ERAP2: variants seen among roughly 807,000 people sequenced by gnomAD.
ERAP2 encodes endoplasmic reticulum aminopeptidase 2.
ERAP2 carries 118 observed loss-of-function variants against 111.1 expected under a neutral mutation model. That is an observed-to-expected ratio of 1.06 (90% CI 0.92 to 1.24). The LOEUF is 1.24. Among genes scored for constraint, ERAP2 ranks in the 50% most tolerant of loss-of-function variants. The pLI, the probability that ERAP2 is intolerant of heterozygous loss-of-function variation, is 0.00. For synonymous variants in ERAP2, 410 were observed against 401.2 expected (o/e 1.02, Z -0.26); for missense variants, 1,131 against 1,125.8 (o/e 1.00, Z -0.07).
At chr5:96,913,146 A>C (rs1480942809) in intron 16 of ERAP2, among the ~76,000 whole-genome samples, 171 bp from the exon 17 acceptor site, 1 of 152,098 alleles carries the variant, frequency 6.6e-6, no homozygotes, top group Non-Finnish European at 1.5e-5. Context: ...TAGGAACAAA[A>C]TAAAAATTAT....
Position 96,884,054 on chromosome 5 carries a change from CTATCT to C in ERAP2, c.714+125_714+129del, listed in dbSNP as rs879568304. ...TGTTTTTATCTATCTATCTATCTAT[CTATCT>C]ATCTATCTATCTATCTATCTATCAT... On this transcript the variant is annotated intron_variant, in intron 3 of 18. Coordinates refer to ENST00000437043, the MANE Select transcript of ERAP2 (RefSeq NM_022350.5). 1,757 of 583,580 alleles carry C rather than the reference CTATCT, an allele frequency of 3.0e-3. 6 individuals carry two copies. The highest frequency in any genetic ancestry group is 4.3e-3 in the Middle Eastern group (11 of 2,536). 36.2% of individuals were successfully genotyped at this position (583,580 alleles called of 1,614,324 possible). A position where few individuals can be genotyped will look rare whatever the true frequency, so the allele number is the denominator to read the frequency against.
chr5:96,918,651 A>G lies in ERAP2; in HGVS notation c.*1046A>G, dbSNP rs1157657054. The G allele has an allele frequency of 6.6e-6, 1 of 152,208 alleles. No individual in the cohort carries two copies. Among genetic ancestry groups the G allele is most frequent in the Non-Finnish European group, 1.5e-5 (1 of 68,040 alleles). 9.4% of individuals were successfully genotyped at this position (152,208 alleles called of 1,614,324 possible). ...GGTTTAAGCCTTACATTCATGAAGTACCTCAAGGGTAGATTTTTGAGATCA... is the reference window on the plus strand; with the variant it reads ...GGTTTAAGCCTTACATTCATGAAGTGCCTCAAGGGTAGATTTTTGAGATCA... On this transcript the variant is annotated 3_prime_UTR_variant, in exon 19 of 19. Coordinates refer to ENST00000437043, the MANE Select transcript of ERAP2 (RefSeq NM_022350.5).
chr5:96,901,754 G>T, intron 11 of ERAP2, 73 bp downstream of exon 11: 1 of 1,462,536 alleles, frequency 6.8e-7, no homozygotes, highest in Non-Finnish European at 9.3e-7. Context: ...CTTTCTCTCA[G>T]CTCATCTGGC....
chr5:96,895,129 A>T (rs1482686164), intron 6 of ERAP2, 117 bp from the exon 7 acceptor site: 1 of 614,012 alleles, frequency 1.6e-6, no homozygotes, highest in Non-Finnish European at 2.8e-6. Flanking sequence ...AAGGGTAGCA[A>T]AGAGAGAAGA....
Position 96,883,876 on chromosome 5 carries a change from TTCAA to T in ERAP2, c.665_668del (p.Ile222ArgfsTer35), listed in dbSNP as rs758234017. 2.5e-6 allele frequency: 4 copies of T among 1,613,802 alleles called. No homozygotes were observed. Among genetic ancestry groups the T allele is most frequent in the Non-Finnish European group, 3.4e-6 (4 of 1,179,858 alleles). On this transcript the variant is annotated frameshift_variant, in exon 3 of 19. Transcript: ENST00000437043. LOFTEE classifies it high-confidence loss of function. ...ATGAACCGTTGTTCAAAGCCAACTT[TTCAA>T]TCAAGATACGAAGAGAGAGCAGGCA...
At chr5:96,917,388 T>G in intron 18 of ERAP2, 74 bp from the exon 19 acceptor site, 20 of 1,364,194 alleles carry the variant, frequency 1.5e-5, no homozygotes, top group East Asian at 5.4e-5. Context: ...CCCGAAGTGC[T>G]GGGATTACAG....
intron 18 of ERAP2, among the ~76,000 whole-genome samples, chr5:96,916,565 G>A (rs1259750758): frequency 6.9e-6 from 1 of 144,008 alleles, no homozygotes; most frequent in South Asian, 2.3e-4. Context: ...CCAGGTTCAC[G>A]CCATTCTCCT....
intron 4 of ERAP2, among the ~76,000 whole-genome samples, chr5:96,887,071 A>C (rs1783806728): frequency 9.8e-6 from 1 of 102,110 alleles, no homozygotes; most frequent in African/African-American, 3.7e-5. Context: ...GTAATTTTCA[A>C]AGTATATATA....
intron 5 of ERAP2, among the ~76,000 whole-genome samples, chr5:96,889,978 A>G (rs1784166000): frequency 6.6e-6 from 1 of 152,076 alleles, no homozygotes; most frequent in Non-Finnish European, 1.5e-5. Context: ...AGAACTGAAA[A>G]CTATGCTTCC....
chr5:96,902,360 A>T lies in ERAP2; in HGVS notation c.1828+7A>T, dbSNP rs760645969. The T allele has an allele frequency of 6.3e-6, 10 of 1,584,222 alleles. No individual in the cohort carries two copies. Among genetic ancestry groups the T allele is most frequent in the Non-Finnish European group, 7.8e-6 (9 of 1,153,200 alleles). On this transcript the variant is annotated splice_region_variant and intron_variant, in intron 12 of 18. Coordinates refer to ENST00000437043, the MANE Select transcript of ERAP2 (RefSeq NM_022350.5). The stretch of plus-strand genomic sequence containing the variant: ...ATTCTAAAATCAAAGACAGGTAATG[A>T]ACTAATTAGCCAAACAGGTATTTCA...
rs1387728864 is a variant in ERAP2, at chr5:96,879,549, GT to G, written c.-122-8del. 2 of 643,820 alleles carry G rather than the reference GT, an allele frequency of 3.1e-6. No homozygotes were observed. The highest frequency in any genetic ancestry group is 5.3e-6 in the Non-Finnish European group (2 of 377,576). 39.9% of individuals were successfully genotyped at this position (643,820 alleles called of 1,614,324 possible). ...ATCTTTTTTGTCATGCTATAAGTGTGTTTTTTTCTTCTAGATTAAATTCATG... is the reference window on the plus strand; with the variant it reads ...ATCTTTTTTGTCATGCTATAAGTGTGTTTTTTCTTCTAGATTAAATTCATG... On this transcript the variant is annotated splice_polypyrimidine_tract_variant and intron_variant, in intron 1 of 18. Coordinates refer to ENST00000437043, the MANE Select transcript of ERAP2 (RefSeq NM_022350.5).
chr5:96,877,742 A>G (rs1187291163), intron 1 of ERAP2, among the ~76,000 whole-genome samples: 1 of 152,128 alleles, frequency 6.6e-6, no homozygotes, highest in African/African-American at 2.4e-5. Flanking sequence ...TTTTTTTTAA[A>G]CCCTCCAAAA....
intron 9 of ERAP2, 66 bp downstream of exon 9, chr5:96,896,929 T>C: frequency 6.8e-6 from 10 of 1,462,200 alleles, no homozygotes; most frequent in Non-Finnish European, 9.1e-6. Context: ...TAATTGTGAA[T>C]GTTTATAAAT....
At chr5:96,895,417 T>C (rs962813220) in intron 7 of ERAP2, 58 bp downstream of exon 7, 30 of 1,213,924 alleles carry the variant, frequency 2.5e-5, no homozygotes, top group African/African-American at 6.1e-5. Context: ...CAATTCACTA[T>C]TAAAATTTCA....
chr5:96,914,148 T>TCTCACACACACACACACACA lies in ERAP2; in HGVS notation c.2657+692_2657+693insTCACACACACACACACACAC, dbSNP rs34158080. On this transcript the variant is annotated intron_variant, in intron 17 of 18. Transcript: ENST00000437043. ...CTTTCTGTCTCTCTCTCTCTCTCTC[T>TCTCACACACACACACACACA]CACACACACACACACACACAATCAC... 7.1e-3 allele frequency among the ~76,000 whole-genome samples: 1,056 copies of TCTCACACACACACACACACA among 148,054 alleles called. 7 individuals are homozygous for TCTCACACACACACACACACA. The highest frequency in any genetic ancestry group is 0.024 in the South Asian group (113 of 4,630).
At chr5:96,913,087 T>C (rs1786983418) in intron 16 of ERAP2, among the ~76,000 whole-genome samples, 1 of 152,226 alleles carries the variant, frequency 6.6e-6, no homozygotes, top group Admixed American at 6.5e-5. Flanking sequence ...ATAAGATGTG[T>C]AAATGATGCT....
At chr5:96,892,691 C>G (rs562913699) in intron 6 of ERAP2, among the ~76,000 whole-genome samples, 1 of 152,268 alleles carries the variant, frequency 6.6e-6, no homozygotes, top group African/African-American at 2.4e-5. Flanking sequence ...CCTTTCAAAG[C>G]AAAGCCTTCA....
intron 5 of ERAP2, among the ~76,000 whole-genome samples, chr5:96,891,541 CA>C (rs1784392233): frequency 7.5e-6 from 1 of 132,920 alleles, no homozygotes; most frequent in African/African-American, 3.0e-5. Flanking sequence ...TATATACACA[CA>C]CACACACACA....
chr5:96,916,991 T>G (rs1787486640), intron 18 of ERAP2, among the ~76,000 whole-genome samples: 1 of 152,206 alleles, frequency 6.6e-6, no homozygotes, highest in African/African-American at 2.4e-5. Context: ...GAAAATAAAG[T>G]GAACAATTAT....
Sources: gnomAD v4.1 joint callset for allele counts (sites outside exome capture counted in the v4.1 genomes callset) on GRCh38, gnomAD v4.1.1 for gene constraint, MANE v1.5 for transcripts, NCBI Gene and HGNC (gene_info 2026-07-23, HGNC 2026-07-21) for gene names.